The following RALGPS2 variants were observed in gnomAD, a reference collection of about 807,000 sequenced individuals.
The protein encoded by RALGPS2 is ras-specific guanine nucleotide-releasing factor RalGPS2.
RALGPS2 carries 43 observed loss-of-function variants against 86.8 expected under a neutral mutation model. The ratio of observed to expected loss-of-function variants is 0.50; its 90% confidence interval spans 0.39 to 0.64. The LOEUF (loss-of-function observed/expected upper bound fraction) is 0.64, where lower values mean the gene tolerates loss of function less well. Ranked by LOEUF, RALGPS2 falls within the 30% of genes least tolerant of loss-of-function variation. The pLI is 0.00. For missense variants in RALGPS2, 536 were observed against 694.6 expected (o/e 0.77, Z 2.57); for synonymous variants, 243 against 231.3 (o/e 1.05, Z -0.46).
At chr1:178,801,524 T>A (rs905769219) in intron 4 of RALGPS2, among the ~76,000 whole-genome samples, 1 of 152,142 alleles carries the variant, frequency 6.6e-6, no homozygotes, top group Non-Finnish European at 1.5e-5. Context: ...TGGCTTCATT[T>A]TTACATTAAA....
intron 11 of RALGPS2, 50 bp downstream of exon 11, chr1:178,883,583 TAAGG>T (rs781689067): frequency 5.9e-6 from 8 of 1,359,096 alleles, no homozygotes; most frequent in South Asian, 4.7e-5. Flanking sequence ...GATAACCTAA[TAAGG>T]AAGAATATAC....
intron 1 of RALGPS2, among the ~76,000 whole-genome samples, chr1:178,728,999 A>G (rs1268929819): frequency 6.6e-6 from 1 of 152,208 alleles, no homozygotes; most frequent in Non-Finnish European, 1.5e-5. Flanking sequence ...CAGTGTTCAT[A>G]TGACTTAGCT....
intron 1 of RALGPS2, among the ~76,000 whole-genome samples, chr1:178,744,817 CAA>C (rs148175568): frequency 3.2e-4 from 21 of 66,016 alleles, no homozygotes; most frequent in Admixed American, 5.9e-4. Context: ...GACTCCATCT[CAA>C]AAAAAAAAAA....
chr1:178,782,172 A>C (rs1224585965), intron 2 of RALGPS2, among the ~76,000 whole-genome samples: 1 of 152,200 alleles, frequency 6.6e-6, no homozygotes, highest in Non-Finnish European at 1.5e-5. Flanking sequence ...AAGTCAGTGG[A>C]GCCACGTAAA....
At chr1:178,855,367 G>A (rs934143796) in intron 8 of RALGPS2, among the ~76,000 whole-genome samples, 2 of 144,622 alleles carry the variant, frequency 1.4e-5, no homozygotes, top group Non-Finnish European at 3.0e-5. Context: ...ATTTTTTGTT[G>A]ATTAAATTTC....
In RALGPS2 at chr1:178,853,704, C is replaced by T. The variant is rs767914172; in HGVS notation, c.607+20154C>T. The T allele has an allele frequency of 9.9e-6, 16 of 1,612,784 alleles. No homozygotes were observed. The East Asian group carries it at 3.3e-4, about 34-fold the overall frequency. The stretch of plus-strand genomic sequence containing the variant: ...TTTTCACACCATAACTGCATTGGTC[C>T]ATTGCTGTTTTCAGGTTTAATCATA... On this transcript the variant is annotated intron_variant, in intron 8 of 19. Coordinates refer to ENST00000367635, the MANE Select transcript of RALGPS2 (RefSeq NM_152663.5).
chr1:178,889,049 C>T (rs1207172963), intron 13 of RALGPS2, among the ~76,000 whole-genome samples: 1 of 151,630 alleles, frequency 6.6e-6, no homozygotes, highest in Non-Finnish European at 1.5e-5. Context: ...TTTTTTTTCC[C>T]CCTAGCTAAT....
chr1:178,886,938 A>G (rs1659514011), intron 13 of RALGPS2, among the ~76,000 whole-genome samples: 1 of 152,202 alleles, frequency 6.6e-6, no homozygotes, highest in Non-Finnish European at 1.5e-5. Context: ...GGTGACCTTG[A>G]TAAGAGTTGC....
intron 1 of RALGPS2, among the ~76,000 whole-genome samples, chr1:178,758,691 G>A (rs1306751830): frequency 6.6e-6 from 1 of 152,042 alleles, no homozygotes; most frequent in African/African-American, 2.4e-5. Flanking sequence ...CACTTAACAT[G>A]ACCTCCAGTT....
At chr1:178,734,841 A>T (rs77948175) in intron 1 of RALGPS2, among the ~76,000 whole-genome samples, 3,780 of 152,344 alleles carry the variant, frequency 0.025, 153 homozygotes, top group African/African-American at 0.086. Flanking sequence ...TAGCATGTAT[A>T]GCAAGATCTC....
intron 19 of RALGPS2, among the ~76,000 whole-genome samples, chr1:178,913,567 C>G (rs192032110): frequency 4.9e-4 from 74 of 152,290 alleles, no homozygotes; most frequent in African/African-American, 1.7e-3. Flanking sequence ...TTTAGAGTTG[C>G]TAGAGTTCTT....
intron 1 of RALGPS2, among the ~76,000 whole-genome samples, chr1:178,773,269 C>T (rs1652896941): frequency 1.3e-5 from 2 of 152,050 alleles, no homozygotes; most frequent in Non-Finnish European, 2.9e-5. Flanking sequence ...TGCTTGACCC[C>T]AGGAATTGGA....
chr1:178,811,380 G>C lies in RALGPS2; in HGVS notation c.363G>C (p.Leu121Phe). 6.5e-7 allele frequency: 1 copy of C among 1,549,668 alleles called. No homozygotes were observed. The highest frequency in any genetic ancestry group is 8.6e-7 in the Non-Finnish European group (1 of 1,157,892). ...AQTLKIRAEVLSHYIKTAKKL... is the reference protein window; with the variant it reads ...AQTLKIRAEVFSHYIKTAKKL... ...CATTAAAAATTAGAGCAGAAGTTTTGAGCCACTATATTAAAACTGCTAAGG... is the reference window on the plus strand; with the variant it reads ...CATTAAAAATTAGAGCAGAAGTTTTCAGCCACTATATTAAAACTGCTAAGG... Residue 121 changes from leucine (L) to phenylalanine (F), a missense_variant, in exon 6 of 20, where the codon TTG becomes TTC. Transcript: ENST00000367635.
intron 10 of RALGPS2, among the ~76,000 whole-genome samples, chr1:178,880,785 A>G (rs1445369016): frequency 6.6e-6 from 1 of 152,224 alleles, no homozygotes; most frequent in East Asian, 1.9e-4. Flanking sequence ...CACAGTTTAT[A>G]GAGGATGGCA....
intron 13 of RALGPS2, among the ~76,000 whole-genome samples, chr1:178,889,321 A>C (rs550946658): frequency 7.6e-4 from 115 of 152,206 alleles, no homozygotes; most frequent in African/African-American, 2.7e-3. Flanking sequence ...CAAACCTAAT[A>C]AGAAATTTTG....
chr1:178,915,405 T>G (rs1660775258), intron 19 of RALGPS2, among the ~76,000 whole-genome samples: 1 of 152,148 alleles, frequency 6.6e-6, no homozygotes, highest in African/African-American at 2.4e-5. Context: ...CAGCTAATTT[T>G]TGTATTTTCA....
chr1:178,852,852 GTCTTCTAA>G, intron 8 of RALGPS2: 1 of 1,613,836 alleles, frequency 6.2e-7, no homozygotes, highest in African/African-American at 1.3e-5. Context: ...TATCACTCCA[GTCTTCTAA>G]TTCAATCAAT....
chr1:178,905,723 G>A (rs1044240730), intron 18 of RALGPS2, among the ~76,000 whole-genome samples: 6 of 152,180 alleles, frequency 3.9e-5, no homozygotes, highest in African/African-American at 1.4e-4. Context: ...GCAGCCTATA[G>A]TACATGGATC....
intron 2 of RALGPS2, among the ~76,000 whole-genome samples, chr1:178,783,443 A>G (rs1476984795): frequency 1.3e-5 from 2 of 152,186 alleles, no homozygotes; most frequent in African/African-American, 4.8e-5. Context: ...CAGAAGAAAT[A>G]TTTGAAGTAA....
Sources: allele counts gnomAD v4.1 joint callset (sites outside exome capture counted in the v4.1 genomes callset), GRCh38; gene constraint gnomAD v4.1.1; transcripts MANE v1.5; gene names NCBI Gene and HGNC (gene_info 2026-07-23, HGNC 2026-07-21).